Variants in SPAG1 observed in about 807,000 individuals in gnomAD.
SPAG1 encodes the protein sperm associated antigen 1, also known as sperm-associated antigen 1.
A neutral mutation model predicts 100.5 loss-of-function variants in SPAG1; 69 were observed. The observed-to-expected ratio is 0.69, with a 90% confidence interval of 0.57 to 0.84. The LOEUF (loss-of-function observed/expected upper bound fraction) is 0.84. Among genes scored for constraint, SPAG1 ranks in the 40% least tolerant of loss-of-function variants. The pLI, the probability that SPAG1 is intolerant of heterozygous loss-of-function variation, is 0.00. For missense variants in SPAG1, 955 were observed against 1,133.1 expected, an observed-to-expected ratio of 0.84 and a Z score of 2.26; for synonymous variants, 336 against 411.6, an observed-to-expected ratio of 0.82 and a Z score of 2.22.
Position 100,194,108 on chromosome 8 carries a change from G to T in SPAG1, c.940-4G>T. ...TTTTCTTTAATATGGTAATTATGTTGCAGAAAACCTTGTCAGAGGTTGAAA... is the reference window on the plus strand; with the variant it reads ...TTTTCTTTAATATGGTAATTATGTTTCAGAAAACCTTGTCAGAGGTTGAAA... On this transcript the variant is annotated splice_polypyrimidine_tract_variant and splice_region_variant and intron_variant, in intron 9 of 18. Transcript: ENST00000388798. The T allele has an allele frequency of 6.8e-7, 1 of 1,462,536 alleles. No homozygotes were observed. Among genetic ancestry groups the T allele is most frequent in the Non-Finnish European group, 9.3e-7 (1 of 1,076,728 alleles). The allele number at this position is 1,462,536 out of a possible 1,614,324, so 90.6% of individuals were successfully genotyped here. A position where few individuals can be genotyped will look rare whatever the true frequency, so the allele number is the denominator to read the frequency against.
intron 7 of SPAG1, among the ~76,000 whole-genome samples, chr8:100,186,060 CTTTTTTT>C (rs71274962): frequency 3.3e-5 from 3 of 89,984 alleles, no homozygotes; most frequent in African/African-American, 1.3e-4. Context: ...TGGGCAGATT[CTTTTTTT>C]TTTTTTTTTT....
chr8:100,201,624 T>G (rs1357192327), intron 10 of SPAG1, among the ~76,000 whole-genome samples: 1 of 152,184 alleles, frequency 6.6e-6, no homozygotes, highest in Non-Finnish European at 1.5e-5. Context: ...GTTACAGACT[T>G]TTGTCATAAT....
At chr8:100,234,180 C>T (rs1818899660) in intron 16 of SPAG1, among the ~76,000 whole-genome samples, 1 of 152,148 alleles carries the variant, frequency 6.6e-6, no homozygotes, top group Middle Eastern at 3.2e-3. Flanking sequence ...AAAACCAGAA[C>T]ATATTGGAAA....
chr8:100,213,748 G>A (rs748618917), intron 11 of SPAG1, 71 bp from the exon 12 acceptor site: 1 of 984,894 alleles, frequency 1.0e-6, no homozygotes, highest in Non-Finnish European at 1.6e-6. Flanking sequence ...GACCTCGGCC[G>A]TCTTGTAATT....
Position 100,239,349 on chromosome 8 carries a change from A to T in SPAG1, c.2225A>T (p.Asp742Val). 1 of 1,602,226 alleles carries T rather than the reference A, an allele frequency of 6.2e-7. No individual in the cohort carries two copies. Among genetic ancestry groups the T allele is most frequent in the Non-Finnish European group, 8.5e-7 (1 of 1,171,528 alleles). ...EEVTRLLNLKDKTAPFNKEKE... is the reference protein window; with the variant it reads ...EEVTRLLNLKVKTAPFNKEKE... ...GTAACTAGACTCCTTAATCTTAAGGATAAGACAGCACCATTCAACAAAGAA... is the reference window on the plus strand; with the variant it reads ...GTAACTAGACTCCTTAATCTTAAGGTTAAGACAGCACCATTCAACAAAGAA... Residue 742 changes from aspartate (D) to valine (V), a missense_variant, in exon 17 of 19, where the codon GAT (aspartate) becomes GTT (valine). Coordinates refer to ENST00000388798, the MANE Select transcript of SPAG1 (RefSeq NM_003114.5). This position sits in a 1 kb window ranked among gnomAD's most constrained non-coding sequence, Gnocchi z 5.0.
chr8:100,159,205 T>C (rs973840095), intron 1 of SPAG1, among the ~76,000 whole-genome samples: 2 of 152,212 alleles, frequency 1.3e-5, no homozygotes, highest in Admixed American at 6.5e-5. Flanking sequence ...AAAATCCTTC[T>C]AAGGCAACCC....
chr8:100,204,872 C>T (rs530703467), intron 10 of SPAG1, among the ~76,000 whole-genome samples: 17 of 152,306 alleles, frequency 1.1e-4, no homozygotes, highest in African/African-American at 3.6e-4. Flanking sequence ...TAATTGGATC[C>T]TGAGGTGGCA....
chr8:100,214,770 G>A (rs1297884099), intron 12 of SPAG1, among the ~76,000 whole-genome samples: 1 of 151,852 alleles, frequency 6.6e-6, no homozygotes, highest in Non-Finnish European at 1.5e-5. Context: ...ATTGCTTGAG[G>A]TCAGTTTGAG....
intron 3 of SPAG1, among the ~76,000 whole-genome samples, chr8:100,168,688 T>A (rs1815676410): frequency 1.0e-5 from 1 of 95,366 alleles, no homozygotes; most frequent in South Asian, 3.2e-4. Context: ...CCCAGCCATC[T>A]TTTTTTTTTT....
At chr8:100,166,408 G>A (rs1344652202) in intron 3 of SPAG1, among the ~76,000 whole-genome samples, 2 of 152,026 alleles carry the variant, frequency 1.3e-5, no homozygotes, top group Non-Finnish European at 2.9e-5. Context: ...ACAGGTGCAT[G>A]CCACCATGCC....
chr8:100,196,221 C>T (rs1323117827), intron 10 of SPAG1, among the ~76,000 whole-genome samples: 1 of 152,150 alleles, frequency 6.6e-6, no homozygotes, highest in Non-Finnish European at 1.5e-5. Flanking sequence ...GTTTTCATTT[C>T]CCCTGAGTAA....
At chr8:100,212,545 C>A (rs1817759071) in intron 10 of SPAG1, among the ~76,000 whole-genome samples, 1 of 152,178 alleles carries the variant, frequency 6.6e-6, no homozygotes, top group Admixed American at 6.5e-5. Context: ...GTTTTTAAGG[C>A]TCCCTTTAAG....
chr8:100,215,347 G>A (rs1425250260), intron 12 of SPAG1, among the ~76,000 whole-genome samples: 1 of 152,026 alleles, frequency 6.6e-6, no homozygotes, highest in East Asian at 1.9e-4. Context: ...CCTTTGGCAA[G>A]AAGCTACTAT....
chr8:100,177,729 A>T, intron 3 of SPAG1, 87 bp from the exon 4 acceptor site: 1 of 750,434 alleles, frequency 1.3e-6, no homozygotes, highest in Admixed American at 3.3e-5. Flanking sequence ...GTTCAAACTT[A>T]TATTGTTCAA....
chr8:100,184,592 A>C (rs111333755), intron 6 of SPAG1, 36 bp from the exon 7 acceptor site: 1 of 1,127,812 alleles, frequency 8.9e-7, no homozygotes, highest in Admixed American at 2.8e-5. Context: ...CTGTTAAATT[A>C]TACGTTTACA....
intron 5 of SPAG1, 47 bp downstream of exon 5, chr8:100,183,483 T>G (rs1183780339): frequency 1.1e-6 from 1 of 894,384 alleles, no homozygotes; most frequent in Non-Finnish European, 1.8e-6. Flanking sequence ...AAAAAAGTTA[T>G]CTACCACAAA....
At chr8:100,170,849 A>ATTTT (rs1183008094) in intron 3 of SPAG1, among the ~76,000 whole-genome samples, 1 of 95,376 alleles carries the variant, frequency 1.0e-5, no homozygotes, top group African/African-American at 3.7e-5. Context: ...TTATTTATTT[A>ATTTT]TTTTTTACTT....
In SPAG1 at chr8:100,184,052, A is replaced by G; in HGVS notation, c.585A>G (p.Ile195Met). 7.1e-7 allele frequency: 1 copy of G among 1,404,360 alleles called. No homozygotes were observed. The allele number at this position is 1,404,360 out of a possible 1,614,324, so 87.0% of individuals were successfully genotyped here. A position where few individuals can be genotyped will look rare whatever the true frequency, so the allele number is the denominator to read the frequency against. ...KSHLSKIETR[I>M]DTAGLTEKEK... ...ACTTGTCTAAAATTGAGACAAGAAT[A>G]GATACAGCAGGTAATTGGAGAAAAA... The change falls in exon 6 of 19, where the codon ATA becomes ATG. Residue 195 changes from isoleucine (I) to methionine (M), a missense_variant. Physicochemically the swap from Ile to Met is conservative, Grantham distance 10. Coordinates refer to ENST00000388798, the MANE Select transcript of SPAG1 (RefSeq NM_003114.5).
intron 8 of SPAG1, among the ~76,000 whole-genome samples, chr8:100,189,535 G>C (rs973169758): frequency 1.3e-5 from 2 of 150,488 alleles, no homozygotes; most frequent in African/African-American, 4.9e-5. Context: ...GGCACCTGTA[G>C]TCCCAGCTAC....
Sources: gnomAD v4.1 joint callset for allele counts (sites outside exome capture counted in the v4.1 genomes callset) on GRCh38, gnomAD v4.1.1 for gene constraint, Gnocchi (gnomAD v3.1) non-coding constraint, MANE v1.5 for transcripts, NCBI Gene and HGNC (gene_info 2026-07-23, HGNC 2026-07-21) for gene names.